The following GRIK2 variants were observed in gnomAD, a reference collection of about 807,000 sequenced individuals.
GRIK2 encodes glutamate receptor ionotropic, kainate 2.
In GRIK2, 32 loss-of-function variants were observed where a neutral mutation model predicts 100.3. That is an observed-to-expected ratio of 0.32 (90% CI 0.24 to 0.43). GRIK2 has a LOEUF of 0.43. GRIK2 is among the 20% of genes least tolerant of loss of function. The probability of loss-of-function intolerance (pLI) is 1.00; values close to 1 mark genes in which losing one functional copy is unlikely to be tolerated. For synonymous variants in GRIK2, 417 were observed against 389.4 expected (o/e 1.07, Z -0.83); for missense variants, 843 against 1,114.9 (o/e 0.76, Z 3.47).
chr6:101,734,857 G>T (rs1213559285), intron 7 of GRIK2, among the ~76,000 whole-genome samples: 1 of 152,184 alleles, frequency 6.6e-6, no homozygotes. Flanking sequence ...AGGTGGTACT[G>T]TAGTTAGAAA....
intron 2 of GRIK2, chr6:101,431,110 C>A: frequency 3.9e-6 from 1 of 256,118 alleles, no homozygotes; most frequent in Non-Finnish European, 8.4e-6. Context: ...GTCAACTTCT[C>A]TCTGTTGGCC....
chr6:101,998,912 G>A (rs1254642215), intron 14 of GRIK2, among the ~76,000 whole-genome samples: 1 of 136,740 alleles, frequency 7.3e-6, no homozygotes, highest in East Asian at 2.4e-4. Context: ...CTCCTTGGTT[G>A]AAGCGATTCT....
intron 12 of GRIK2, among the ~76,000 whole-genome samples, chr6:101,893,283 C>G (rs548341550): frequency 2.0e-5 from 3 of 151,466 alleles, no homozygotes; most frequent in African/African-American, 7.2e-5. Flanking sequence ...AAAGAAAGAT[C>G]ATGTTTCAAA....
At chr6:101,908,340 A>G (rs1304068286) in intron 12 of GRIK2, among the ~76,000 whole-genome samples, 1 of 151,774 alleles carries the variant, frequency 6.6e-6, no homozygotes, top group Non-Finnish European at 1.5e-5. Context: ...CCAGCCTAAT[A>G]TTTTTACATA....
At chr6:101,472,051 C>T (rs1023028084) in intron 2 of GRIK2, among the ~76,000 whole-genome samples, 1 of 151,380 alleles carries the variant, frequency 6.6e-6, no homozygotes, top group Non-Finnish European at 1.5e-5. Context: ...CATTGTATTG[C>T]TAAACATTTT....
At chr6:101,468,656 G>A (rs1771786748) in intron 2 of GRIK2, among the ~76,000 whole-genome samples, 1 of 152,124 alleles carries the variant, frequency 6.6e-6, no homozygotes, top group Non-Finnish European at 1.5e-5. Flanking sequence ...TTTGAAACGG[G>A]TACGATATAG....
chr6:101,601,192 T>C (rs995991747), intron 2 of GRIK2, among the ~76,000 whole-genome samples: 3 of 151,556 alleles, frequency 2.0e-5, no homozygotes, highest in African/African-American at 4.8e-5. Context: ...CTGTTGAGAT[T>C]ACATGGTTTT....
intron 15 of GRIK2, among the ~76,000 whole-genome samples, chr6:102,051,086 T>C (rs1206731037): frequency 6.6e-6 from 1 of 152,220 alleles, no homozygotes; most frequent in African/African-American, 2.4e-5. Context: ...GATACATTTG[T>C]AGTTTTTATG....
chr6:102,049,588 T>G (rs1158008311), intron 15 of GRIK2, among the ~76,000 whole-genome samples: 1 of 152,144 alleles, frequency 6.6e-6, no homozygotes, highest in African/African-American at 2.4e-5. Flanking sequence ...TGAATTTGCA[T>G]GAGATATATT....
At chr6:101,717,330 C>CT (rs67108614) in intron 7 of GRIK2, among the ~76,000 whole-genome samples, 15 of 151,478 alleles carry the variant, frequency 9.9e-5, no homozygotes, top group Non-Finnish European at 1.6e-4. Flanking sequence ...AATAATAACA[C>CT]TTTTTTTTAA....
intron 12 of GRIK2, among the ~76,000 whole-genome samples, chr6:101,893,827 A>G (rs551841727): frequency 6.6e-6 from 1 of 151,888 alleles, no homozygotes; most frequent in Admixed American, 6.6e-5. Context: ...CCAACTGAAT[A>G]TGTTATTTTC....
At chr6:101,882,856 C>T (rs1171859916) in intron 11 of GRIK2, among the ~76,000 whole-genome samples, 1 of 151,900 alleles carries the variant, frequency 6.6e-6, no homozygotes, top group Non-Finnish European at 1.5e-5. Context: ...TAAACAATAC[C>T]TAGTGAGTGC....
chr6:101,918,871 A>G (rs538740703), intron 12 of GRIK2, among the ~76,000 whole-genome samples: 1 of 151,864 alleles, frequency 6.6e-6, no homozygotes, highest in South Asian at 2.1e-4. Flanking sequence ...ATGAAATCAC[A>G]TTAGTACAGC....
intron 14 of GRIK2, among the ~76,000 whole-genome samples, chr6:101,939,013 A>G (rs1447588421): frequency 2.0e-5 from 3 of 152,066 alleles, no homozygotes; most frequent in Non-Finnish European, 4.4e-5. Context: ...GCTAATTAGA[A>G]GCTACACATT....
intron 14 of GRIK2, among the ~76,000 whole-genome samples, chr6:101,943,752 C>G (rs1036162388): frequency 2.5e-4 from 38 of 152,320 alleles, no homozygotes; most frequent in African/African-American, 8.9e-4. Flanking sequence ...TAGATCTTCA[C>G]TGTATCTTGG....
chr6:101,772,762 T>C (rs957653938), intron 7 of GRIK2, among the ~76,000 whole-genome samples: 1 of 151,572 alleles, frequency 6.6e-6, no homozygotes, highest in African/African-American at 2.4e-5. Flanking sequence ...AGAAAAATCT[T>C]TGAAGCAAAG....
chr6:101,818,253 G>T, intron 9 of GRIK2, 117 bp from the exon 10 acceptor site: 1 of 616,872 alleles, frequency 1.6e-6, no homozygotes, highest in Non-Finnish European at 2.9e-6. Context: ...TACTTTAACG[G>T]CAGCAGACAA....
intron 2 of GRIK2, among the ~76,000 whole-genome samples, chr6:101,590,339 A>G (rs666395): frequency 0.38 from 57,948 of 151,874 alleles, 12,053 homozygotes; most frequent in African/African-American, 0.56. Context: ...AGAGCAATGT[A>G]CAGTATAGCA....
At chr6:101,921,690 G>T (rs1437658498) in intron 12 of GRIK2, among the ~76,000 whole-genome samples, 1 of 151,940 alleles carries the variant, frequency 6.6e-6, no homozygotes, top group African/African-American at 2.4e-5. Flanking sequence ...GAGTAAGAGT[G>T]TGTGTGTGTT....
Sources: gnomAD v4.1 joint callset for allele counts (sites outside exome capture counted in the v4.1 genomes callset) on GRCh38, gnomAD v4.1.1 for gene constraint, MANE v1.5 for transcripts, NCBI Gene and HGNC (gene_info 2026-07-23, HGNC 2026-07-21) for gene names.